ITPRID1: variants seen among roughly 807,000 people sequenced by gnomAD.
The protein encoded by ITPRID1 is protein ITPRID1.
Under a neutral mutation model 95.4 loss-of-function variants are expected in ITPRID1, and 96 were observed. The observed-to-expected ratio is 1.01, with a 90% CI of 0.85 to 1.19. The LOEUF (loss-of-function observed/expected upper bound fraction) is 1.19, where lower values mean the gene tolerates loss of function less well. ITPRID1 is among the 50% of genes most tolerant of loss of function. The pLI is 0.00. For synonymous variants in ITPRID1, 510 were observed against 453.6 expected (o/e 1.12, Z -1.58); for missense variants, 1,339 against 1,252.9 (o/e 1.07, Z -1.04).
chr7:31,650,342 C>G (rs1385038464), intron 12 of ITPRID1, among the ~76,000 whole-genome samples: 3 of 152,112 alleles, frequency 2.0e-5, no homozygotes, highest in Non-Finnish European at 2.9e-5. Context: ...GGGACACAGC[C>G]TTGTGCTGCT....
intron 10 of ITPRID1, among the ~76,000 whole-genome samples, chr7:31,637,375 T>C (rs986354299): frequency 1.3e-5 from 2 of 152,258 alleles, no homozygotes; most frequent in East Asian, 3.9e-4. Flanking sequence ...TGTTCCTATT[T>C]CTCCACATCC....
In ITPRID1 at chr7:31,527,343, C is replaced by T. The variant is rs192182765; in HGVS notation, c.-98+13223C>T. 7.2e-5 allele frequency among the ~76,000 whole-genome samples: 11 copies of T among 152,260 alleles called. No homozygotes were observed. The East Asian group carries it at 2.1e-3, about 29-fold the overall frequency. ...GTCAGAGATTTCAGAGACCTTAGCC[C>T]TAGTATGCAGTATGTCAAAAACTCA... On this transcript the variant is annotated intron_variant, in intron 1 of 14. Transcript: ENST00000615280.
intron 6 of ITPRID1, among the ~76,000 whole-genome samples, chr7:31,571,093 A>G (rs1298747886): frequency 6.6e-6 from 1 of 151,980 alleles, no homozygotes; most frequent in Non-Finnish European, 1.5e-5. Context: ...CAGTTGCGCC[A>G]TCTCAGCTCA....
chr7:31,519,618 C>CCATATATATATATATATATATA (rs1783164406), intron 1 of ITPRID1, among the ~76,000 whole-genome samples: 3 of 31,698 alleles, frequency 9.5e-5, no homozygotes, highest in Non-Finnish European at 1.8e-4. Flanking sequence ...CTCTCTCTCT[C>CCATATATATATATATATATATA]TCTATATATA....
At chr7:31,519,620 C>CTCTCTCTATA in intron 1 of ITPRID1, among the ~76,000 whole-genome samples, 60 of 25,260 alleles carry the variant, frequency 2.4e-3, no homozygotes, top group African/African-American at 3.8e-3. Context: ...CTCTCTCTCT[C>CTCTCTCTATA]TATATATATA....
chr7:31,579,701 C>CCGG (rs1399119392), intron 9 of ITPRID1, among the ~76,000 whole-genome samples: 7 of 151,944 alleles, frequency 4.6e-5, no homozygotes, highest in Non-Finnish European at 8.8e-5. Context: ...TAGCTGCATC[C>CCGG]CACAAAGATA....
At chr7:31,658,542 C>T (rs1791395826), downstream of ITPRID1, 1 of 484,318 alleles carries the variant, frequency 2.1e-6, no homozygotes, top group Non-Finnish European at 3.3e-6. Flanking sequence ...TGGTGGGTTG[C>T]ATACGTAATT....
At chr7:31,614,248 G>GTAAC (rs1034092647) in intron 10 of ITPRID1, among the ~76,000 whole-genome samples, 1 of 152,174 alleles carries the variant, frequency 6.6e-6, no homozygotes, top group Non-Finnish European at 1.5e-5. Flanking sequence ...AGGTGAAGAA[G>GTAAC]TAACTTCATA....
intron 10 of ITPRID1, among the ~76,000 whole-genome samples, chr7:31,585,775 G>A (rs1232709021): frequency 1.3e-5 from 2 of 151,704 alleles, no homozygotes; most frequent in Admixed American, 6.6e-5. Context: ...TCAAAAATCA[G>A]AAGTTATTCA....
chr7:31,599,851 A>C (rs1786314290), intron 10 of ITPRID1, among the ~76,000 whole-genome samples: 1 of 151,404 alleles, frequency 6.6e-6, no homozygotes, highest in Non-Finnish European at 1.5e-5. Flanking sequence ...GCCTGCCACC[A>C]CGCCCGGCTA....
chr7:31,517,672 G>A (rs1003615782), intron 1 of ITPRID1: 10 of 152,658 alleles, frequency 6.6e-5, no homozygotes, highest in Admixed American at 2.6e-4. Context: ...GCGCAGCCCC[G>A]GCTGCCGCCT....
At chr7:31,585,688 A>G (rs1785566203) in intron 10 of ITPRID1, among the ~76,000 whole-genome samples, 1 of 152,286 alleles carries the variant, frequency 6.6e-6, no homozygotes, top group African/African-American at 2.4e-5. Context: ...TCACTTAGCT[A>G]TCAACTTGGA....
At position 31,558,335 on chromosome 7, in the gene ITPRID1, T is replaced by C. The variant is rs61477280; in HGVS notation, c.256+3434T>C. ...GGCTAAGATACCCCATCCACATCCC[T>C]GTTAGACAAGTCAAAGCATGGGCAA... On this transcript the variant is annotated intron_variant, in intron 5 of 14. Transcript: ENST00000615280. Among the ~76,000 whole-genome samples the C allele has an allele frequency of 5.0e-3, 766 of 152,290 alleles. 5 individuals carry two copies. Among genetic ancestry groups the C allele is most frequent in the African/African-American group, 0.017 (722 of 41,574 alleles).
At chr7:31,586,526 G>A (rs1157445765) in intron 10 of ITPRID1, among the ~76,000 whole-genome samples, 9 of 150,806 alleles carry the variant, frequency 6.0e-5, no homozygotes, top group Non-Finnish European at 3.0e-5. Context: ...TTTAATGATC[G>A]CCATTCTAAC....
chr7:31,563,519 C>A (rs1014167120), intron 5 of ITPRID1, among the ~76,000 whole-genome samples: 4 of 152,068 alleles, frequency 2.6e-5, no homozygotes, highest in African/African-American at 9.7e-5. Flanking sequence ...TCTTTGTTCA[C>A]CTGAAAAGGT....
At chr7:31,515,988 G>GT (rs936934201) in intron 1 of ITPRID1, among the ~76,000 whole-genome samples, 87 of 151,362 alleles carry the variant, frequency 5.7e-4, no homozygotes, top group South Asian at 2.9e-3. Flanking sequence ...TTTCATAATA[G>GT]TTTTTTTTTG....
intron 1 of ITPRID1, among the ~76,000 whole-genome samples, chr7:31,519,620 C>CTCTCTCCATATATATATATATATA: frequency 6.3e-4 from 16 of 25,270 alleles, no homozygotes; most frequent in Admixed American, 1.2e-3. Flanking sequence ...CTCTCTCTCT[C>CTCTCTCCATATATATATATATATA]TATATATATA....
chr7:31,642,775 C>T lies in ITPRID1; in HGVS notation c.1405C>T (p.Gln469Ter), dbSNP rs1308888418. Reference protein sequence around the residue: ...SHSLVSSQDCQLESDGPDSKS... With the variant: ...SHSLVSSQDC ...CAGCTTAGTATCATCCCAGGACTGT[C>T]AGCTAGAGTCGGATGGGCCAGATTC... Residue 469 changes from glutamine to a stop codon, truncating the protein, a stop_gained, in exon 12 of 15, where the codon CAG becomes TAG. Coordinates refer to ENST00000615280, the MANE Select transcript of ITPRID1 (RefSeq NM_001257967.3). LOFTEE classifies it high-confidence loss of function. 6.2e-7 allele frequency: 1 copy of T among 1,614,010 alleles called. No homozygotes were observed. The highest frequency in any genetic ancestry group is 1.1e-5 in the South Asian group (1 of 91,082).
intron 10 of ITPRID1, among the ~76,000 whole-genome samples, chr7:31,597,501 A>AC (rs762193374): frequency 2.7e-5 from 4 of 150,372 alleles, no homozygotes; most frequent in Non-Finnish European, 3.0e-5. Context: ...AAAAAAAAAA[A>AC]CCCCACAACA....
Sources: gnomAD v4.1 joint callset for allele counts (sites outside exome capture counted in the v4.1 genomes callset) on GRCh38, gnomAD v4.1.1 for gene constraint, MANE v1.5 for transcripts, NCBI Gene and HGNC (gene_info 2026-07-23, HGNC 2026-07-21) for gene names.